The following TOX variants were observed in gnomAD, a reference collection of about 807,000 sequenced individuals.
TOX encodes the protein thymocyte selection-associated high mobility group box protein TOX.
In TOX, 11 loss-of-function variants were observed where a neutral mutation model predicts 53.7. The observed-to-expected ratio is 0.20, with a 90% CI of 0.13 to 0.34. TOX has a LOEUF of 0.34. Among genes scored for constraint, TOX ranks in the 10% least tolerant of loss-of-function variants. The pLI is 1.00. For synonymous variants in TOX, 225 were observed against 245.3 expected, an observed-to-expected ratio of 0.92 and a Z score of 0.77; for missense variants, 570 against 664.6, an observed-to-expected ratio of 0.86 and a Z score of 1.56.
intron 1 of TOX, among the ~76,000 whole-genome samples, chr8:59,047,492 G>T (rs1563429259): frequency 2.6e-5 from 4 of 151,918 alleles, no homozygotes; most frequent in Non-Finnish European, 5.9e-5. Context: ...CTCCCAAAGT[G>T]CTGGGACAGG....
At position 59,016,980 on chromosome 8, in the gene TOX, T is replaced by A. The variant is rs537057923; in HGVS notation, c.103-56972A>T. ...TCACCTCCTCTAGCATGAAGGTTAA[T>A]AACTTCTGGCTGAAGATGTCTACAT... is the stretch of plus-strand genomic sequence containing the variant. On this transcript the variant is annotated intron_variant, in intron 1 of 8. Transcript: ENST00000361421. 4.6e-5 allele frequency among the ~76,000 whole-genome samples: 7 copies of A among 152,332 alleles called. 1 individual carries two copies. The South Asian group carries it at 1.5e-3, about 32-fold the overall frequency.
chr8:58,869,023 A>G (rs1811151058), intron 3 of TOX, among the ~76,000 whole-genome samples: 1 of 151,852 alleles, frequency 6.6e-6, no homozygotes, highest in African/African-American at 2.4e-5. Context: ...GACATTAAAA[A>G]GCTAATAATC....
At chr8:59,106,324 A>G (rs540811015) in intron 1 of TOX, among the ~76,000 whole-genome samples, 1 of 152,240 alleles carries the variant, frequency 6.6e-6, no homozygotes, top group East Asian at 1.9e-4. Context: ...AAAAAAAAAG[A>G]AAGAAAGATA....
intron 1 of TOX, among the ~76,000 whole-genome samples, chr8:59,039,261 A>C (rs1803527145): frequency 2.0e-5 from 3 of 152,262 alleles, no homozygotes; most frequent in Admixed American, 6.5e-5. Flanking sequence ...AATGGATTTG[A>C]TATGAATTGC....
At chr8:58,898,973 AG>A (rs1811693044) in intron 3 of TOX, among the ~76,000 whole-genome samples, 1 of 152,198 alleles carries the variant, frequency 6.6e-6, no homozygotes, top group African/African-American at 2.4e-5. Flanking sequence ...AGGCTCTGAG[AG>A]GTCCAGTACC....
chr8:59,110,139 A>G (rs1804987449), intron 1 of TOX, among the ~76,000 whole-genome samples: 1 of 152,194 alleles, frequency 6.6e-6, no homozygotes, highest in Admixed American at 6.5e-5. Context: ...CTGAGAGTCC[A>G]TTATGAACAG....
chr8:59,024,693 A>C (rs1312973757), intron 1 of TOX, among the ~76,000 whole-genome samples: 2 of 152,058 alleles, frequency 1.3e-5, no homozygotes, highest in Admixed American at 6.6e-5. Flanking sequence ...TCTGAATTAT[A>C]TCTCTTCTGG....
chr8:58,953,129 A>AAAT (rs1430018174), intron 2 of TOX, among the ~76,000 whole-genome samples: 3 of 152,170 alleles, frequency 2.0e-5, no homozygotes, highest in Admixed American at 6.5e-5. Context: ...TAATAATAAT[A>AAAT]AATAATAATA....
At chr8:58,981,167 G>C (rs74831780) in intron 1 of TOX, among the ~76,000 whole-genome samples, 2 of 152,268 alleles carry the variant, frequency 1.3e-5, no homozygotes, top group East Asian at 3.9e-4. Flanking sequence ...ACTGAACTCT[G>C]TGGATGTCAA....
chr8:59,065,491 T>C (rs1368102697), intron 1 of TOX, among the ~76,000 whole-genome samples: 1 of 152,220 alleles, frequency 6.6e-6, no homozygotes. Context: ...ATATCGTCTA[T>C]GTTATTACTT....
intron 3 of TOX, among the ~76,000 whole-genome samples, chr8:58,884,434 A>C (rs1008887333): frequency 6.6e-5 from 10 of 152,262 alleles, no homozygotes; most frequent in African/African-American, 2.4e-4. Context: ...TTCAAAGTGG[A>C]TACTAATGTA....
At chr8:58,951,567 C>A (rs1397632412) in intron 2 of TOX, among the ~76,000 whole-genome samples, 1 of 152,140 alleles carries the variant, frequency 6.6e-6, no homozygotes, top group Non-Finnish European at 1.5e-5. Flanking sequence ...CCTGGCATCC[C>A]TATTTTCCCC....
chr8:58,831,852 T>G (rs908898938), intron 5 of TOX, among the ~76,000 whole-genome samples: 2 of 152,142 alleles, frequency 1.3e-5, no homozygotes, highest in African/African-American at 4.8e-5. Context: ...TAAATTACAA[T>G]GTACATCAAT....
chr8:58,992,339 A>T (rs1185234679), intron 1 of TOX, among the ~76,000 whole-genome samples: 1 of 152,204 alleles, frequency 6.6e-6, no homozygotes, highest in African/African-American at 2.4e-5. Flanking sequence ...GTAGAAATGC[A>T]TCAATGATTT....
intron 1 of TOX, among the ~76,000 whole-genome samples, chr8:59,113,959 G>A (rs998008968): frequency 2.6e-5 from 4 of 152,046 alleles, no homozygotes; most frequent in Admixed American, 6.5e-5. Flanking sequence ...CACTACCTTC[G>A]TCATTTTCTA....
chr8:58,994,320 G>A (rs761012025), intron 1 of TOX, among the ~76,000 whole-genome samples: 1 of 151,354 alleles, frequency 6.6e-6, no homozygotes, highest in Non-Finnish European at 1.5e-5. Context: ...GAACACACAC[G>A]TATTTCCATT....
At chr8:59,011,779 T>C (rs557609327) in intron 1 of TOX, among the ~76,000 whole-genome samples, 1 of 152,306 alleles carries the variant, frequency 6.6e-6, no homozygotes, top group Non-Finnish European at 1.5e-5. Flanking sequence ...TGAGATTAGA[T>C]GCAGAAGTGC....
At chr8:59,047,208 T>TTG in intron 1 of TOX, among the ~76,000 whole-genome samples, 1 of 102,980 alleles carries the variant, frequency 9.7e-6, no homozygotes, top group Non-Finnish European at 2.0e-5. Flanking sequence ...GAATTGTTTT[T>TTG]TTTTTTTTTT....
chr8:59,028,777 C>A (rs1371441840), intron 1 of TOX, among the ~76,000 whole-genome samples: 1 of 152,116 alleles, frequency 6.6e-6, no homozygotes, highest in Non-Finnish European at 1.5e-5. Context: ...TTAATATGAA[C>A]AAAGTCTGCT....
Sources: gnomAD v4.1 joint callset for allele counts (sites outside exome capture counted in the v4.1 genomes callset) on GRCh38, gnomAD v4.1.1 for gene constraint, MANE v1.5 for transcripts, NCBI Gene and HGNC (gene_info 2026-07-23, HGNC 2026-07-21) for gene names.